PCSK5: variants seen among roughly 807,000 people sequenced by gnomAD.
The protein encoded by PCSK5 is proprotein convertase subtilisin/kexin type 5.
In PCSK5, 129 loss-of-function variants were observed where a neutral mutation model predicts 233.2. The observed-to-expected ratio is 0.55, with a 90% confidence interval of 0.48 to 0.64. The LOEUF is 0.64. Among genes scored for constraint, PCSK5 ranks in the 30% least tolerant of loss-of-function variants. The pLI is 0.00. For synonymous variants in PCSK5, 825 were observed against 879.2 expected (o/e 0.94, Z 1.09); for missense variants, 2,076 against 2,430.1 (o/e 0.85, Z 3.06).
At chr9:76,356,696 A>G (rs1830312046) in intron 37 of PCSK5, among the ~76,000 whole-genome samples, 1 of 152,160 alleles carries the variant, frequency 6.6e-6, no homozygotes, top group African/African-American at 2.4e-5. Context: ...AAATTATGAT[A>G]AAATAGAAAA....
intron 24 of PCSK5, among the ~76,000 whole-genome samples, chr9:76,283,806 T>C (rs1222617715): frequency 6.6e-6 from 1 of 152,254 alleles, no homozygotes; most frequent in East Asian, 1.9e-4. Context: ...AATCTAATCA[T>C]ATCATTCAAA....
chr9:76,284,992 T>C (rs1244647428), intron 24 of PCSK5, among the ~76,000 whole-genome samples: 1 of 152,224 alleles, frequency 6.6e-6, no homozygotes, highest in African/African-American at 2.4e-5. Flanking sequence ...GCATAACGTG[T>C]ATAAATGTTA....
Position 76,236,812 on chromosome 9 carries a change from C to A in PCSK5, c.2867-2147C>A, listed in dbSNP as rs148730056. On this transcript the variant is annotated intron_variant, in intron 22 of 37. Coordinates refer to ENST00000674117, the MANE Select transcript of PCSK5 (RefSeq NM_001372043.1). ...AAGAGGCACCTCAATAAAGCCATGT[C>A]CAAACAATAAAAATGGGATTGAAGA... Among the ~76,000 whole-genome samples the A allele has an allele frequency of 5.2e-3, 786 of 152,282 alleles. 4 individuals carry two copies. The highest frequency in any genetic ancestry group is 0.017 in the African/African-American group (722 of 41,556).
intron 4 of PCSK5, 147 bp from the exon 5 acceptor site, chr9:76,026,814 T>C: frequency 1.8e-6 from 1 of 543,452 alleles, no homozygotes; most frequent in Non-Finnish European, 3.3e-6. Context: ...TAAGGCATCC[T>C]GACACCACTG....
At chr9:75,906,863 T>C (rs191700370) in intron 1 of PCSK5, among the ~76,000 whole-genome samples, 142 of 152,348 alleles carry the variant, frequency 9.3e-4, no homozygotes, top group African/African-American at 3.2e-3. Flanking sequence ...TTGATAAAGC[T>C]AGACCTTCCT....
At chr9:76,061,519 T>C (rs1737811934) in intron 5 of PCSK5, among the ~76,000 whole-genome samples, 1 of 152,086 alleles carries the variant, frequency 6.6e-6, no homozygotes, top group Admixed American at 6.5e-5. Context: ...ATAAGAACAG[T>C]CTCATTAAAG....
chr9:75,908,869 T>TCTATCTATCTA (rs1564074510), intron 1 of PCSK5, among the ~76,000 whole-genome samples: 8 of 119,904 alleles, frequency 6.7e-5, no homozygotes, highest in African/African-American at 1.2e-4. Context: ...ATCCTTCTCT[T>TCTATCTATCTA]TCTATTTATC....
chr9:76,040,861 G>A (rs984121197), intron 5 of PCSK5, among the ~76,000 whole-genome samples: 4 of 152,144 alleles, frequency 2.6e-5, no homozygotes, highest in African/African-American at 9.7e-5. Flanking sequence ...TAGAAACATA[G>A]CAGTGTTTTG....
intron 35 of PCSK5, among the ~76,000 whole-genome samples, chr9:76,345,462 A>C (rs1211218207): frequency 6.6e-6 from 1 of 152,200 alleles, no homozygotes; most frequent in Non-Finnish European, 1.5e-5. Context: ...TCTGTCGCCC[A>C]GGCTGGAGTG....
intron 2 of PCSK5, among the ~76,000 whole-genome samples, chr9:75,981,613 C>T (rs367990095): frequency 6.6e-6 from 1 of 152,226 alleles, no homozygotes; most frequent in South Asian, 2.1e-4. Flanking sequence ...AGGACAGTGG[C>T]GTCATCATGG....
chr9:76,110,648 A>T (rs1832172591), intron 9 of PCSK5, among the ~76,000 whole-genome samples: 3 of 152,024 alleles, frequency 2.0e-5, no homozygotes, highest in Admixed American at 2.0e-4. Context: ...GTGAGCTATG[A>T]TCACACCATT....
intron 30 of PCSK5, 61 bp from the exon 31 acceptor site, chr9:76,321,361 G>A: frequency 2.2e-6 from 2 of 901,238 alleles, no homozygotes; most frequent in Non-Finnish European, 3.7e-6. Flanking sequence ...CTTTTCCCCA[G>A]GAATGAGTCA....
In PCSK5 at chr9:76,106,547, TA is replaced by T. The variant is rs569204323; in HGVS notation, c.1108-698del. On this transcript the variant is annotated intron_variant, in intron 8 of 37. Coordinates refer to ENST00000674117, the MANE Select transcript of PCSK5 (RefSeq NM_001372043.1). ...AATGACTTAGTTCTCACATTTTGAT[TA>T]AAAAATAAAATGGAGAAATAACTAA... Among the ~76,000 whole-genome samples, 535 of 152,324 alleles carry T rather than the reference TA, an allele frequency of 3.5e-3. 1 individual carries two copies. The highest frequency in any genetic ancestry group is 0.012 in the African/African-American group (518 of 41,562).
rs17721466 is a variant in PCSK5, at chr9:76,358,547, T to G, written c.5289T>G (p.Pro1763=). ...ECILRTSKVR[P]ATEHFKTALF... is the part of the protein sequence containing the mutation. Reference sequence around the variant, plus strand: ...TCCTTCGAACAAGCAAGGTTAGGCCTGCAACTGAGCATTTCAAGACAGCTC... The same window carrying G: ...TCCTTCGAACAAGCAAGGTTAGGCCGGCAACTGAGCATTTCAAGACAGCTC... Residue 1763 remains proline (P), a synonymous_variant, in exon 38 of 38, where the codon CCT becomes CCG. Coordinates refer to ENST00000674117, the MANE Select transcript of PCSK5 (RefSeq NM_001372043.1). 56,411 of 1,612,616 alleles carry G rather than the reference T, an allele frequency of 0.035. 1,200 individuals are homozygous for G. The highest frequency in any genetic ancestry group is 0.041 in the Non-Finnish European group (48,806 of 1,179,672).
intron 9 of PCSK5, among the ~76,000 whole-genome samples, chr9:76,125,918 G>A (rs1031594437): frequency 1.3e-5 from 2 of 151,414 alleles, no homozygotes; most frequent in Non-Finnish European, 2.9e-5. Context: ...AATCTTTATA[G>A]CAGGAAAGCA....
At chr9:76,322,329 G>A (rs1829231891) in intron 31 of PCSK5, among the ~76,000 whole-genome samples, 1 of 152,162 alleles carries the variant, frequency 6.6e-6, no homozygotes, top group Admixed American at 6.5e-5. Flanking sequence ...AACTGCAGTT[G>A]TTAAAAAGGA....
chr9:76,221,227 C>T (rs998085658), intron 20 of PCSK5, among the ~76,000 whole-genome samples: 1 of 152,184 alleles, frequency 6.6e-6, no homozygotes, highest in Non-Finnish European at 1.5e-5. Context: ...CTTTGTGAAA[C>T]ATGCCTGCTC....
At chr9:76,058,955 G>T in intron 5 of PCSK5, among the ~76,000 whole-genome samples, 1 of 150,550 alleles carries the variant, frequency 6.6e-6, no homozygotes, top group African/African-American at 2.4e-5. Flanking sequence ...GGCCAGACTG[G>T]GCAACTTGGC....
chr9:75,943,389 A>C (rs1484559034), intron 2 of PCSK5, among the ~76,000 whole-genome samples: 1 of 152,212 alleles, frequency 6.6e-6, no homozygotes, highest in Non-Finnish European at 1.5e-5. Context: ...AAAACCCAGC[A>C]ACAACAAAAA....
Sources: allele counts gnomAD v4.1 joint callset (sites outside exome capture counted in the v4.1 genomes callset), GRCh38; gene constraint gnomAD v4.1.1; transcripts MANE v1.5; gene names NCBI Gene and HGNC (gene_info 2026-07-23, HGNC 2026-07-21).